The following FRMD4A variants were observed in gnomAD, a reference collection of about 807,000 sequenced individuals.
FRMD4A encodes the protein FERM domain containing 4A.
FRMD4A carries 29 observed loss-of-function variants against 129.1 expected under a neutral mutation model. The observed-to-expected ratio is 0.22, with a 90% CI of 0.17 to 0.31. The LOEUF is 0.31. FRMD4A is among the 10% of genes least tolerant of loss of function. The pLI is 1.00. For missense variants in FRMD4A, 1,272 were observed against 1,375.8 expected (o/e 0.92, Z 1.19); for synonymous variants, 634 against 571.6 (o/e 1.11, Z -1.56).
chr10:13,693,980 C>G lies in FRMD4A; in HGVS notation c.1035G>C (p.Gly345=), dbSNP rs746157587. The change falls in exon 15 of 25, where the codon GGG becomes GGC. Residue 345 remains glycine (G), a synonymous_variant. Coordinates refer to ENST00000357447, the MANE Select transcript of FRMD4A (RefSeq NM_018027.5). The part of the protein sequence containing the change: ...SEIAIDLTET[G]TLKTSKLANM... Reference sequence around the variant, plus strand: ...TGGCCAGCTTCGAGGTCTTCAGCGTCCCCGTCTCGGTCAGGTCGATGGCGA... The same window carrying G: ...TGGCCAGCTTCGAGGTCTTCAGCGTGCCCGTCTCGGTCAGGTCGATGGCGA... 7.0e-6 allele frequency: 11 copies of G among 1,562,392 alleles called. No homozygotes were observed. Among genetic ancestry groups the G allele is most frequent in the Non-Finnish European group, 9.5e-6 (11 of 1,159,426 alleles).
chr10:13,855,452 C>T (rs1189120263), intron 3 of FRMD4A, among the ~76,000 whole-genome samples: 4 of 152,166 alleles, frequency 2.6e-5, no homozygotes, highest in African/African-American at 9.7e-5. Flanking sequence ...CAGCCACCCT[C>T]ATGCACACCC....
intron 2 of FRMD4A, among the ~76,000 whole-genome samples, chr10:14,275,864 C>A (rs373392562): frequency 6.6e-6 from 1 of 152,074 alleles, no homozygotes; most frequent in Non-Finnish European, 1.5e-5. Flanking sequence ...TACAGCAAGA[C>A]CCCATCTCTA....
At chr10:14,313,415 G>T (rs755784237) in intron 2 of FRMD4A, among the ~76,000 whole-genome samples, 1 of 152,102 alleles carries the variant, frequency 6.6e-6, no homozygotes, top group Non-Finnish European at 1.5e-5. Flanking sequence ...TGCAAAAAAT[G>T]ATATTAGCAG....
chr10:13,848,608 A>ATG (rs2094091388), intron 3 of FRMD4A, among the ~76,000 whole-genome samples: 1 of 69,668 alleles, frequency 1.4e-5, no homozygotes, highest in African/African-American at 5.0e-5. Flanking sequence ...GTGTGTGTGT[A>ATG]CGTGTGTGTG....
intron 2 of FRMD4A, among the ~76,000 whole-genome samples, chr10:14,220,796 G>T (rs922346492): frequency 4.1e-5 from 2 of 48,636 alleles, no homozygotes; most frequent in African/African-American, 9.5e-5. Context: ...GTGTGTGTGT[G>T]TGTGTGTGTG....
At chr10:13,734,571 C>G (rs945014602) in intron 12 of FRMD4A, among the ~76,000 whole-genome samples, 53 of 152,280 alleles carry the variant, frequency 3.5e-4, no homozygotes, top group African/African-American at 1.2e-3. Context: ...GCCTCCCCGC[C>G]CCATTCCTCC....
chr10:13,928,052 A>C (rs1431578966), intron 2 of FRMD4A, among the ~76,000 whole-genome samples: 2 of 137,796 alleles, frequency 1.5e-5, no homozygotes, highest in Non-Finnish European at 3.0e-5. Context: ...ACAGGGTCTC[A>C]CTCTATTGCT....
chr10:13,728,659 C>A (rs573536622), intron 12 of FRMD4A, among the ~76,000 whole-genome samples: 86 of 143,816 alleles, frequency 6.0e-4, no homozygotes, highest in African/African-American at 2.1e-3. Flanking sequence ...CAACTTCTGC[C>A]TCCTGGGTTC....
chr10:13,779,387 G>C (rs1411709293), intron 6 of FRMD4A, among the ~76,000 whole-genome samples: 1 of 151,860 alleles, frequency 6.6e-6, no homozygotes, highest in Non-Finnish European at 1.5e-5. Flanking sequence ...ATTCCTTACT[G>C]AGATCACAGG....
chr10:13,968,226 G>A (rs1055068735), intron 2 of FRMD4A, among the ~76,000 whole-genome samples: 1 of 152,190 alleles, frequency 6.6e-6, no homozygotes, highest in East Asian at 1.9e-4. Context: ...GTATGGGTGT[G>A]TTTAAAAAGT....
intron 3 of FRMD4A, among the ~76,000 whole-genome samples, chr10:13,817,439 G>A (rs980827893): frequency 8.5e-5 from 13 of 152,222 alleles, no homozygotes; most frequent in Non-Finnish European, 1.6e-4. Flanking sequence ...AGCACTTAAC[G>A]TGTTGCAGGG....
chr10:13,693,874 T>C, intron 15 of FRMD4A, 24 bp downstream of exon 15: 1 of 1,607,446 alleles, frequency 6.2e-7, no homozygotes, highest in Non-Finnish European at 8.5e-7. Context: ...TCAGGGGGCG[T>C]CCCTCCAGCT....
At chr10:13,870,511 C>G (rs2094427114) in intron 2 of FRMD4A, among the ~76,000 whole-genome samples, 1 of 152,216 alleles carries the variant, frequency 6.6e-6, no homozygotes, top group Admixed American at 6.5e-5. Context: ...TCGCTGTGGT[C>G]TCCTCTACGC....
In FRMD4A at chr10:14,096,219, G is replaced by A. The variant is rs185095318; in HGVS notation, c.45+233839C>T. On this transcript the variant is annotated intron_variant, in intron 2 of 24. Coordinates refer to ENST00000357447, the MANE Select transcript of FRMD4A (RefSeq NM_018027.5). ...AAAACAGGCTGGAGGGAACCTGTTT[G>A]TCCCTTCTGTCATGTGAGGGCACAT... Among the ~76,000 whole-genome samples, 3 of 152,314 alleles carry A rather than the reference G, an allele frequency of 2.0e-5. No individual in the cohort carries two copies. In the East Asian group the frequency reaches 5.8e-4, roughly 29 times the overall value.
intron 2 of FRMD4A, among the ~76,000 whole-genome samples, chr10:14,311,274 C>T (rs1260926550): frequency 6.6e-6 from 1 of 152,204 alleles, no homozygotes; most frequent in African/African-American, 2.4e-5. Flanking sequence ...GAACATCTCC[C>T]TGAATCCTGG....
chr10:14,200,671 C>T (rs1842609848), intron 2 of FRMD4A, among the ~76,000 whole-genome samples: 1 of 152,184 alleles, frequency 6.6e-6, no homozygotes, highest in Non-Finnish European at 1.5e-5. Context: ...GCAGCCTCCT[C>T]AGCCTCCTCA....
rs541731498 is a variant in FRMD4A at position 13,799,418 on chromosome 10, A to G, written c.207-2830T>C. On this transcript the variant is annotated intron_variant, in intron 4 of 24. Transcript: ENST00000357447. ...GGCAATCCACCTGCCTCGGCCTCCC[A>G]AAGTCCTGGGATGACAGAGGTGAAT... Among the ~76,000 whole-genome samples, 6 of 152,360 alleles carry G rather than the reference A, an allele frequency of 3.9e-5. No individual in the cohort carries two copies. In the South Asian group the frequency reaches 1.2e-3, roughly 32 times the overall value.
intron 2 of FRMD4A, among the ~76,000 whole-genome samples, chr10:14,277,537 C>T (rs558049515): frequency 6.6e-6 from 1 of 152,314 alleles, no homozygotes; most frequent in African/African-American, 2.4e-5. Flanking sequence ...TTCCCAGCCT[C>T]GAGAACTGTG....
chr10:13,891,347 A>G (rs895827684), intron 2 of FRMD4A, among the ~76,000 whole-genome samples: 2 of 152,162 alleles, frequency 1.3e-5, no homozygotes, highest in African/African-American at 2.4e-5. Context: ...GTCCTTTCCT[A>G]TCTCCCCGGG....
Sources: gnomAD v4.1 joint callset for allele counts (sites outside exome capture counted in the v4.1 genomes callset) on GRCh38, gnomAD v4.1.1 for gene constraint, MANE v1.5 for transcripts, NCBI Gene and HGNC (gene_info 2026-07-23, HGNC 2026-07-21) for gene names.